The following PPARG variants were observed in gnomAD, a reference collection of about 807,000 sequenced individuals.
The protein encoded by PPARG is peroxisome proliferator activated receptor gamma.
In PPARG, 17 loss-of-function variants were observed where a neutral mutation model predicts 39.2. That is an observed-to-expected ratio of 0.43 (90% CI 0.30 to 0.65). The LOEUF is 0.65. Among genes scored for constraint, PPARG ranks in the 30% least tolerant of loss-of-function variants. The pLI, the probability that PPARG is intolerant of heterozygous loss-of-function variation, is 0.13. For synonymous variants in PPARG, 223 were observed against 215.7 expected, an observed-to-expected ratio of 1.03 and a Z score of -0.30; for missense variants, 406 against 585.9, an observed-to-expected ratio of 0.69 and a Z score of 3.17.
intron 7 of PPARG, among the ~76,000 whole-genome samples, chr3:12,424,550 A>G (rs1352007956): frequency 6.6e-6 from 1 of 152,188 alleles, no homozygotes; most frequent in African/African-American, 2.4e-5. Flanking sequence ...TTAAACTCTG[A>G]GTGACCCCAG....
chr3:12,302,995 C>A (rs189377615), intron 1 of PPARG, among the ~76,000 whole-genome samples: 1 of 152,172 alleles, frequency 6.6e-6, no homozygotes, highest in East Asian at 1.9e-4. Flanking sequence ...GTGTTAGTTA[C>A]AGACCTGGCA....
At chr3:12,404,849 CA>C (rs1371666235) in intron 5 of PPARG, among the ~76,000 whole-genome samples, 5 of 152,182 alleles carry the variant, frequency 3.3e-5, no homozygotes, top group Non-Finnish European at 7.4e-5. Flanking sequence ...TTCTGGGATT[CA>C]GCAGAGACAG....
At chr3:12,354,883 A>G (rs1302907175) in intron 2 of PPARG, among the ~76,000 whole-genome samples, 1 of 152,210 alleles carries the variant, frequency 6.6e-6, no homozygotes, top group Non-Finnish European at 1.5e-5. Flanking sequence ...GGGCATCCGC[A>G]TGATCTCCTG....
chr3:12,359,421 G>T (rs1178963240), intron 2 of PPARG, among the ~76,000 whole-genome samples: 1 of 152,048 alleles, frequency 6.6e-6, no homozygotes, highest in Non-Finnish European at 1.5e-5. Context: ...ATAAAAAAAT[G>T]GGTAGCTTGA....
At chr3:12,412,018 G>T (rs1457962454) in intron 6 of PPARG, among the ~76,000 whole-genome samples, 1 of 152,134 alleles carries the variant, frequency 6.6e-6, no homozygotes, top group East Asian at 1.9e-4. Context: ...ACTCTGACAG[G>T]GTTACCTCAA....
At chr3:12,402,703 G>C (rs187595553) in intron 5 of PPARG, among the ~76,000 whole-genome samples, 2 of 152,034 alleles carry the variant, frequency 1.3e-5, no homozygotes, top group Non-Finnish European at 2.9e-5. Context: ...AAAATGTCCC[G>C]TGGAAGACAT....
intron 4 of PPARG, among the ~76,000 whole-genome samples, chr3:12,390,145 A>G (rs935283947): frequency 2.0e-5 from 3 of 152,214 alleles, no homozygotes; most frequent in African/African-American, 7.2e-5. Context: ...ATTCAATTTT[A>G]TACATTTCAG....
At chr3:12,343,749 T>A (rs1251696174) in intron 2 of PPARG, among the ~76,000 whole-genome samples, 2 of 152,146 alleles carry the variant, frequency 1.3e-5, no homozygotes, top group African/African-American at 4.8e-5. Context: ...TATGTGATAC[T>A]TAACTGTATT....
chr3:12,350,868 G>A (rs545319806), intron 2 of PPARG, among the ~76,000 whole-genome samples: 3 of 152,110 alleles, frequency 2.0e-5, no homozygotes, highest in South Asian at 2.1e-4. Context: ...AAGCAAACCC[G>A]ATGTATAAAA....
At chr3:12,345,002 TATTTTCTTC>T (rs2048286877) in intron 2 of PPARG, 1 of 152,232 alleles carries the variant, frequency 6.6e-6, no homozygotes, top group South Asian at 2.1e-4. Flanking sequence ...TAGTTGTTAT[TATTTTCTTC>T]TTTTGCTTTG....
chr3:12,312,008 T>C (rs1000467021), intron 1 of PPARG, among the ~76,000 whole-genome samples: 2 of 152,242 alleles, frequency 1.3e-5, no homozygotes, highest in Non-Finnish European at 2.9e-5. Flanking sequence ...GTCTAGTTTT[T>C]CTTAAGTCTG....
At chr3:12,287,483 C>T (rs1470214422), upstream of PPARG, 4 of 152,234 alleles carry the variant, frequency 2.6e-5, no homozygotes, top group African/African-American at 9.6e-5. Context: ...CTGGAAAGAA[C>T]ATCTTGGGAA....
chr3:12,296,720 G>A (rs929518791), intron 1 of PPARG, among the ~76,000 whole-genome samples: 2 of 152,168 alleles, frequency 1.3e-5, no homozygotes, highest in Non-Finnish European at 2.9e-5. Flanking sequence ...GTTCTTTTTA[G>A]CTTAGCATGG....
intron 7 of PPARG, among the ~76,000 whole-genome samples, chr3:12,419,773 T>C (rs114447673): frequency 0.012 from 1,839 of 152,258 alleles, 29 homozygotes; most frequent in African/African-American, 0.042. Flanking sequence ...AGACTATTTA[T>C]CTACTATTTT....
chr3:12,292,356 C>G (rs911903177), intron 1 of PPARG, among the ~76,000 whole-genome samples: 15 of 152,100 alleles, frequency 9.9e-5, no homozygotes, highest in Admixed American at 5.2e-4. Context: ...TTATGGCACA[C>G]CTTGTGAATT....
At chr3:12,358,465 A>T in intron 2 of PPARG, among the ~76,000 whole-genome samples, 1 of 152,220 alleles carries the variant, frequency 6.6e-6, no homozygotes, top group East Asian at 1.9e-4. Flanking sequence ...TCAGATCTTT[A>T]GGAAAAAGTA....
intron 2 of PPARG, among the ~76,000 whole-genome samples, chr3:12,351,205 G>A (rs1450597835): frequency 6.6e-6 from 1 of 152,178 alleles, no homozygotes; most frequent in Admixed American, 6.5e-5. Flanking sequence ...AATAAAAAAT[G>A]CAAGTGGATA....
chr3:12,379,953 T>G, intron 3 of PPARG, 22 bp downstream of exon 3: 2 of 1,552,858 alleles, frequency 1.3e-6, no homozygotes, highest in Non-Finnish European at 1.8e-6. Context: ...ATTTTCACTT[T>G]TCAGACTACT....
At chr3:12,418,409 C>CA (rs1472940822) in intron 7 of PPARG, among the ~76,000 whole-genome samples, 5 of 152,094 alleles carry the variant, frequency 3.3e-5, no homozygotes, top group Non-Finnish European at 7.3e-5. Flanking sequence ...TACAGTGTAT[C>CA]CTCTGTGAAA....
Sources: gnomAD v4.1 joint callset for allele counts (sites outside exome capture counted in the v4.1 genomes callset) on GRCh38, gnomAD v4.1.1 for gene constraint, MANE v1.5 for transcripts, NCBI Gene and HGNC (gene_info 2026-07-23, HGNC 2026-07-21) for gene names.